The following PCLO variants were observed in gnomAD, a reference collection of about 807,000 sequenced individuals.
The protein encoded by PCLO is piccolo presynaptic cytomatrix protein.
Under a neutral mutation model 427.5 loss-of-function variants are expected in PCLO, and 82 were observed. That is an observed-to-expected ratio of 0.19 (90% CI 0.16 to 0.23). The LOEUF (loss-of-function observed/expected upper bound fraction) is 0.23. Ranked by LOEUF, PCLO falls within the 10% of genes least tolerant of loss-of-function variation. The pLI is 1.00. For missense variants in PCLO, 6,239 were observed against 6,115.9 expected (o/e 1.02, Z -0.67); for synonymous variants, 2,357 against 2,155.4 (o/e 1.09, Z -2.59).
chr7:83,126,446 GATT>G (rs1286452133), intron 3 of PCLO, among the ~76,000 whole-genome samples: 1 of 151,946 alleles, frequency 6.6e-6, no homozygotes, highest in African/African-American at 2.4e-5. Context: ...ATCCTGATGT[GATT>G]ATTATATATT....
At chr7:83,101,423 T>C (rs1421659471) in intron 3 of PCLO, among the ~76,000 whole-genome samples, 2 of 152,068 alleles carry the variant, frequency 1.3e-5, no homozygotes, top group African/African-American at 2.4e-5. Context: ...CACTAGTGAT[T>C]TACCTACTAA....
At position 83,098,128 on chromosome 7, in the gene PCLO, G is replaced by A. The variant is rs1246161167; in HGVS notation, c.3300+36122C>T. Among the ~76,000 whole-genome samples, 3 of 152,018 alleles carry A rather than the reference G, an allele frequency of 2.0e-5. No individual in the cohort carries two copies. The South Asian group carries it at 6.2e-4, about 32-fold the overall frequency. On this transcript the variant is annotated intron_variant, in intron 3 of 24. Coordinates refer to ENST00000333891, the MANE Select transcript of PCLO (RefSeq NM_033026.6). ...CTCTCTCAATATGCTTTATATGGAT[G>A]TCAAACTCTTCACTCTAATCTTAGG...
In PCLO at chr7:83,134,443, A is replaced by G. The variant is rs756814005; in HGVS notation, c.3107T>C (p.Leu1036Ser). ...GACAGCCTTTTGAGGCTCAGCTGTT[A>G]AAGATTTGCTATCCTTAATAGGTGG... ...KPPPIKDSKS[L>S]TAEPQKAVLP... The change falls in exon 3 of 25, where the codon TTA (leucine) becomes TCA (serine). Residue 1036 changes from leucine (L) to serine (S), a missense_variant. By Grantham distance (145) the Leu-to-Ser change is moderately radical. Around this residue, in one of 5 missense-constraint regions of PCLO, gnomAD observed 4,677 missense variants for 4,468.4 expected, o/e 1.05. Coordinates refer to ENST00000333891, the MANE Select transcript of PCLO (RefSeq NM_033026.6). 20 of 1,613,674 alleles carry G rather than the reference A, an allele frequency of 1.2e-5. No individual in the cohort carries two copies. The African/African-American group carries it at 1.3e-4, about 11-fold the overall frequency.
chr7:82,845,334 G>C lies in PCLO; in HGVS notation c.13983C>G (p.Ser4661=), dbSNP rs760207303. 1.9e-6 allele frequency: 3 copies of C among 1,613,368 alleles called. No individual in the cohort carries two copies. The highest frequency in any genetic ancestry group is 3.3e-5 in the Admixed American group (2 of 59,902). Residue 4661 remains serine (S), a synonymous_variant, in exon 13 of 25, where the codon TCC becomes TCG. Coordinates refer to ENST00000333891, the MANE Select transcript of PCLO (RefSeq NM_033026.6). ...HSGPTSAGSS[S]VPSPGQPGSP... ...ACCCTGGTTGCCCAGGGCTGGGAAC[G>C]GAACTGGATCCTGCTGATGTAGGAC...
At chr7:82,862,734 T>C (rs1257079144) in intron 10 of PCLO, among the ~76,000 whole-genome samples, 1 of 151,868 alleles carries the variant, frequency 6.6e-6, no homozygotes, top group Non-Finnish European at 1.5e-5. Flanking sequence ...CATCATGTTA[T>C]GTGAAATAAG....
chr7:83,162,415 T>A lies in PCLO; in HGVS notation c.178A>T (p.Met60Leu), dbSNP rs562460577. The A allele has an allele frequency of 6.3e-6, 10 of 1,597,998 alleles. No individual in the cohort carries two copies. The African/African-American group carries it at 1.2e-4, about 19-fold the overall frequency. The change falls in exon 1 of 25, where the codon ATG becomes TTG. Residue 60 changes from methionine (M) to leucine (L), a missense_variant. Met to Leu is a conservative substitution (Grantham distance 15, BLOSUM62 2). This residue lies in a region of PCLO where 4,677 missense variants were observed against 4,468.4 expected (regional missense o/e 1.05). Coordinates refer to ENST00000333891, the MANE Select transcript of PCLO (RefSeq NM_033026.6). ...EEERRQIAAV[M>L]SRAQGLPKGS... is the part of the protein sequence containing the mutation. Reference sequence around the variant, plus strand: ...TTGGGCAGCCCCTGCGCCCTTGACATGACAGCGGCGATCTGTCTCCTCTCC... The same window carrying A: ...TTGGGCAGCCCCTGCGCCCTTGACAAGACAGCGGCGATCTGTCTCCTCTCC...
chr7:82,882,353 ATT>A (rs1327461675), intron 9 of PCLO, among the ~76,000 whole-genome samples: 5 of 152,154 alleles, frequency 3.3e-5, no homozygotes, highest in Non-Finnish European at 7.4e-5. Flanking sequence ...GTATAGTATC[ATT>A]GTTTTTCAAC....
intron 20 of PCLO, chr7:82,820,469 C>G: frequency 8.6e-7 from 1 of 1,164,086 alleles, no homozygotes; most frequent in Non-Finnish European, 1.1e-6. Context: ...TGGCTCAGAA[C>G]CCAGTAGTTT....
chr7:82,757,536 TTTAA>T lies in PCLO; in HGVS notation c.*1035_*1038del, dbSNP rs1359807422. On this transcript the variant is annotated 3_prime_UTR_variant, in exon 25 of 25. Transcript: ENST00000333891. ...TAAAATATTATGAAATGAGGATCCATTTAATTAATCAATGTCACAAGATTAATAT... is the reference window on the plus strand; with the variant it reads ...TAAAATATTATGAAATGAGGATCCATTTAATCAATGTCACAAGATTAATAT... 6.6e-6 allele frequency: 1 copy of T among 151,920 alleles called. No homozygotes were observed. Among genetic ancestry groups the T allele is most frequent in the Non-Finnish European group, 1.5e-5 (1 of 67,912 alleles). 9.4% of individuals were successfully genotyped at this position (151,920 alleles called of 1,614,324 possible).
chr7:82,861,916 A>C (rs1015051267), intron 10 of PCLO, among the ~76,000 whole-genome samples: 1 of 152,020 alleles, frequency 6.6e-6, no homozygotes, highest in East Asian at 1.9e-4. Flanking sequence ...AAATTTCTTG[A>C]AACAAACGAT....
intron 6 of PCLO, among the ~76,000 whole-genome samples, chr7:82,921,063 G>T (rs1247370667): frequency 6.6e-6 from 1 of 151,838 alleles, no homozygotes; most frequent in East Asian, 1.9e-4. Context: ...CTAGATGGAA[G>T]AAATCTACAC....
intron 3 of PCLO, among the ~76,000 whole-genome samples, chr7:83,058,863 A>G (rs1362318770): frequency 1.3e-5 from 2 of 152,150 alleles, no homozygotes; most frequent in African/African-American, 4.8e-5. Flanking sequence ...AATAATGACA[A>G]GTCAGCATTT....
At chr7:82,893,357 G>A (rs1408241161) in intron 9 of PCLO, among the ~76,000 whole-genome samples, 2 of 152,010 alleles carry the variant, frequency 1.3e-5, no homozygotes, top group African/African-American at 4.8e-5. Context: ...CTCATTCATA[G>A]GTGGGAACTG....
At chr7:82,939,547 T>C (rs1381759157) in intron 6 of PCLO, among the ~76,000 whole-genome samples, 2 of 151,274 alleles carry the variant, frequency 1.3e-5, no homozygotes, top group Non-Finnish European at 3.0e-5. Flanking sequence ...AATATATGTA[T>C]TTTTTTCCCA....
intron 22 of PCLO, among the ~76,000 whole-genome samples, chr7:82,788,881 G>A (rs1791041488): frequency 6.6e-6 from 1 of 150,676 alleles, no homozygotes. Context: ...TAATATTTCT[G>A]CAAAATAAAT....
At chr7:83,060,216 T>C (rs1032687803) in intron 3 of PCLO, among the ~76,000 whole-genome samples, 2 of 152,156 alleles carry the variant, frequency 1.3e-5, no homozygotes, top group Non-Finnish European at 2.9e-5. Context: ...CTGAGCTTCC[T>C]TTTAAATAAC....
At chr7:83,097,227 T>C (rs544273282) in intron 3 of PCLO, among the ~76,000 whole-genome samples, 1 of 133,384 alleles carries the variant, frequency 7.5e-6, no homozygotes, top group African/African-American at 2.8e-5. Context: ...TTTTTTATTA[T>C]ATAAAAATAT....
At chr7:83,073,100 C>T (rs903006103) in intron 3 of PCLO, among the ~76,000 whole-genome samples, 1 of 151,798 alleles carries the variant, frequency 6.6e-6, no homozygotes, top group African/African-American at 2.4e-5. Flanking sequence ...ATTTTATGTC[C>T]CTGCGGACAG....
rs147661160 is a variant in PCLO at position 83,151,502 on chromosome 7, A to T, written c.1893+3246T>A. ...TTCATATGTCAAATGGTGCCATTGT[A>T]ACAGAAAGTGTAAATGGCTTGTCCA... On this transcript the variant is annotated intron_variant, in intron 2 of 24. Coordinates refer to ENST00000333891, the MANE Select transcript of PCLO (RefSeq NM_033026.6). Among the ~76,000 whole-genome samples the T allele has an allele frequency of 2.2e-3, 341 of 152,334 alleles. 2 individuals carry two copies. Among genetic ancestry groups the T allele is most frequent in the East Asian group, 0.016 (82 of 5,180 alleles).
Sources: gnomAD v4.1 joint callset for allele counts (sites outside exome capture counted in the v4.1 genomes callset) on GRCh38, gnomAD v4.1.1 for gene constraint, gnomAD v4.1.1 regional missense constraint, MANE v1.5 for transcripts, NCBI Gene and HGNC (gene_info 2026-07-23, HGNC 2026-07-21) for gene names.